The following PRICKLE1 variants were observed in gnomAD, a reference collection of about 807,000 sequenced individuals.
PRICKLE1 encodes prickle planar cell polarity protein 1.
A neutral mutation model predicts 70.2 loss-of-function variants in PRICKLE1; 14 were observed. The ratio of observed to expected loss-of-function variants is 0.20; its 90% CI spans 0.13 to 0.31. The LOEUF is 0.31. Ranked by LOEUF, PRICKLE1 falls within the 10% of genes least tolerant of loss-of-function variation. The pLI, the probability that PRICKLE1 is intolerant of heterozygous loss-of-function variation, is 1.00. For missense variants in PRICKLE1, 821 were observed against 1,026.2 expected (o/e 0.80, Z 2.73); for synonymous variants, 357 against 379.9 (o/e 0.94, Z 0.70).
intron 1 of PRICKLE1, among the ~76,000 whole-genome samples, chr12:42,499,165 TAA>T (rs112968052): frequency 6.6e-6 from 1 of 151,628 alleles, no homozygotes; most frequent in Admixed American, 6.6e-5. Flanking sequence ...CATGTACATT[TAA>T]AAAAAAATCC....
chr12:42,466,084 T>A (rs927390350), intron 6 of PRICKLE1, 110 bp downstream of exon 6: 1 of 1,141,402 alleles, frequency 8.8e-7, no homozygotes, highest in African/African-American at 1.5e-5. Context: ...TTTCATTGTA[T>A]GTAAATTATA....
At chr12:42,487,654 T>C (rs1365186384) in intron 1 of PRICKLE1, among the ~76,000 whole-genome samples, 1 of 152,192 alleles carries the variant, frequency 6.6e-6, no homozygotes. Flanking sequence ...ATCACTTCTC[T>C]AAGGTGTTGT....
rs386376309 is a variant in PRICKLE1, at chr12:42,527,128, CTTTTTTTTT to C, written c.-48-54573_-48-54565del. Among the ~76,000 whole-genome samples the C allele has an allele frequency of 2.2e-4, 22 of 100,784 alleles. 1 individual carries two copies. The highest frequency in any genetic ancestry group is 2.9e-4 in the Non-Finnish European group (16 of 54,796). The allele number at this position is 100,784 out of a possible 152,430, so 66.1% of individuals were successfully genotyped here. A position where few individuals can be genotyped will look rare whatever the true frequency, so the allele number is the denominator to read the frequency against. On this transcript the variant is annotated intron_variant, in intron 1 of 7. Transcript: ENST00000345127. ...AGTGTGCTTTCTTTTTTTTTTTCCT[CTTTTTTTTT>C]TTTTTTTTTTTTTGGGACGGAGTCT...
At chr12:42,467,432 T>A (rs1031623965) in intron 5 of PRICKLE1, among the ~76,000 whole-genome samples, 1 of 150,476 alleles carries the variant, frequency 6.6e-6, no homozygotes, top group East Asian at 2.0e-4. Flanking sequence ...TCATTTTTTT[T>A]ATATTTTTGG....
intron 1 of PRICKLE1, among the ~76,000 whole-genome samples, chr12:42,492,489 A>G (rs56691329): frequency 0.016 from 2,429 of 152,292 alleles, 71 homozygotes; most frequent in East Asian, 0.1. Context: ...AATTATTTCG[A>G]GCAGCCAGAA....
intron 1 of PRICKLE1, among the ~76,000 whole-genome samples, chr12:42,509,899 C>A (rs1939481774): frequency 6.6e-6 from 1 of 151,576 alleles, no homozygotes; most frequent in Non-Finnish European, 1.5e-5. Context: ...ATGGTGAAAC[C>A]CTGTCTCTAC....
At chr12:42,552,990 T>C (rs1397634664) in intron 1 of PRICKLE1, among the ~76,000 whole-genome samples, 1 of 152,128 alleles carries the variant, frequency 6.6e-6, no homozygotes, top group African/African-American at 2.4e-5. Flanking sequence ...TGACAGGAGG[T>C]GGAGCTCAGG....
At position 42,469,999 on chromosome 12, in the gene PRICKLE1, G is replaced by A. The variant is rs3213989; in HGVS notation, c.246+247C>T. On this transcript the variant is annotated intron_variant, in intron 3 of 7. Transcript: ENST00000345127. ...GCTGGGAAATCTCAGGAATTTGTAGGTTCCTGATCATTGGTGGGTGGCTGC... is the reference window on the plus strand; with the variant it reads ...GCTGGGAAATCTCAGGAATTTGTAGATTCCTGATCATTGGTGGGTGGCTGC... 175,455 of 514,810 alleles carry A rather than the reference G, an allele frequency of 0.34. 31,614 individuals carry two copies. Among genetic ancestry groups the A allele is most frequent in the Non-Finnish European group, 0.38 (108,581 of 286,516 alleles). The allele number at this position is 514,810 out of a possible 1,614,324, so 31.9% of individuals were successfully genotyped here.
chr12:42,468,629 G>A lies in PRICKLE1; in HGVS notation c.585C>T (p.Asp195=), dbSNP rs74081707. The A allele has an allele frequency of 5.3e-3, 8,609 of 1,613,408 alleles. 409 individuals are homozygous for A. The African/African-American group carries it at 0.1, about 19-fold the overall frequency. Residue 195 remains aspartate (D), a synonymous_variant, in exon 5 of 8, where the codon GAC becomes GAT. Transcript: ENST00000345127. ...GAAAGGATGAACTTTTTTTTACCTC[G>A]TCACATGCTGAGCACCGTGGTTTGA... ...ELLKPRCSAC[D]EIIFADECTE...
At chr12:42,477,635 G>A (rs1033711385) in intron 1 of PRICKLE1, among the ~76,000 whole-genome samples, 2 of 151,356 alleles carry the variant, frequency 1.3e-5, no homozygotes, top group Admixed American at 6.6e-5. Context: ...TTCTGCTCTG[G>A]GTCATGGCTG....
chr12:42,478,986 T>C (rs1938687412), intron 1 of PRICKLE1, among the ~76,000 whole-genome samples: 1 of 152,216 alleles, frequency 6.6e-6, no homozygotes, highest in African/African-American at 2.4e-5. Context: ...CAGCATTCAG[T>C]AAACTTGGTC....
Position 42,459,197 on chromosome 12 carries a change from T to C in PRICKLE1, c.*612A>G. The C allele has an allele frequency of 1.5e-6, 1 of 683,310 alleles. No individual in the cohort carries two copies. The allele number at this position is 683,310 out of a possible 1,614,324, so 42.3% of individuals were successfully genotyped here. On this transcript the variant is annotated 3_prime_UTR_variant, in exon 8 of 8. Transcript: ENST00000345127. The stretch of plus-strand genomic sequence containing the variant: ...AGTATATACATTAATATTTGCACCG[T>C]TAAATTAGGAATACACTTAAGTCTA...
chr12:42,459,728 C>A lies in PRICKLE1; in HGVS notation c.*81G>T. On this transcript the variant is annotated 3_prime_UTR_variant, in exon 8 of 8. Transcript: ENST00000345127. ...AAGAAAGCACTTTAAACTATTTTCACAACTTTCCTACGGAAGAAAAGGAAA... is the reference window on the plus strand; with the variant it reads ...AAGAAAGCACTTTAAACTATTTTCAAAACTTTCCTACGGAAGAAAAGGAAA... 1 of 1,554,204 alleles carries A rather than the reference C, an allele frequency of 6.4e-7. No homozygotes were observed. Among genetic ancestry groups the A allele is most frequent in the Non-Finnish European group, 8.9e-7 (1 of 1,128,992 alleles).
intron 1 of PRICKLE1, among the ~76,000 whole-genome samples, chr12:42,554,033 G>T (rs1940371547): frequency 6.6e-6 from 1 of 152,196 alleles, no homozygotes; most frequent in Non-Finnish European, 1.5e-5. Flanking sequence ...GAACCCGGGA[G>T]GCAGAGGTTG....
intron 1 of PRICKLE1, among the ~76,000 whole-genome samples, chr12:42,586,403 T>C (rs1215315983): frequency 1.3e-5 from 2 of 152,016 alleles, no homozygotes; most frequent in Non-Finnish European, 2.9e-5. Context: ...TTTTTTTTTT[T>C]TTCCCCAGAG....
At chr12:42,485,752 C>T (rs2140164947) in intron 1 of PRICKLE1, among the ~76,000 whole-genome samples, 1 of 152,338 alleles carries the variant, frequency 6.6e-6, no homozygotes, top group East Asian at 1.9e-4. Context: ...CAAAATACTT[C>T]CAACTACAAA....
At chr12:42,519,682 G>A (rs777879889) in intron 1 of PRICKLE1, among the ~76,000 whole-genome samples, 9 of 152,328 alleles carry the variant, frequency 5.9e-5, no homozygotes, top group Non-Finnish European at 1.3e-4. Flanking sequence ...TTACACAAAT[G>A]CTCTTCATAA....
chr12:42,542,255 G>A (rs987631490), intron 1 of PRICKLE1, among the ~76,000 whole-genome samples: 2 of 151,380 alleles, frequency 1.3e-5, no homozygotes, highest in East Asian at 3.9e-4. Context: ...TTTTTTTTAT[G>A]CTGTCAAAGA....
At chr12:42,511,946 G>C (rs2120397607) in intron 1 of PRICKLE1, among the ~76,000 whole-genome samples, 1 of 152,294 alleles carries the variant, frequency 6.6e-6, no homozygotes, top group Admixed American at 6.5e-5. Context: ...GCTTTGCTAA[G>C]GACTAATGGA....
Sources: gnomAD v4.1 joint callset for allele counts (sites outside exome capture counted in the v4.1 genomes callset) on GRCh38, gnomAD v4.1.1 for gene constraint, MANE v1.5 for transcripts, NCBI Gene and HGNC (gene_info 2026-07-23, HGNC 2026-07-21) for gene names.